The following NCAM2 variants were observed in gnomAD, a reference collection of about 807,000 sequenced individuals.
NCAM2 encodes the protein neural cell adhesion molecule 2.
In NCAM2, 30 loss-of-function variants were observed where a neutral mutation model predicts 98.1. The observed-to-expected ratio is 0.31, with a 90% CI of 0.23 to 0.41. The LOEUF (loss-of-function observed/expected upper bound fraction) is 0.41. NCAM2 is among the 10% of genes least tolerant of loss of function. The pLI, the probability that NCAM2 is intolerant of heterozygous loss-of-function variation, is 1.00. For missense variants in NCAM2, 867 were observed against 1,005.8 expected (o/e 0.86, Z 1.87); for synonymous variants, 368 against 342.4 (o/e 1.07, Z -0.83).
At chr21:21,387,736 G>C (rs893467559) in intron 9 of NCAM2, among the ~76,000 whole-genome samples, 1 of 152,136 alleles carries the variant, frequency 6.6e-6, no homozygotes, top group African/African-American at 2.4e-5. Context: ...TCAGCCGTAT[G>C]GTACACACCA....
At chr21:21,219,202 T>G (rs1172530261) in intron 1 of NCAM2, among the ~76,000 whole-genome samples, 1 of 152,188 alleles carries the variant, frequency 6.6e-6, no homozygotes, top group Non-Finnish European at 1.5e-5. Context: ...TTAGTGTTAG[T>G]GTATTTTATG....
intron 14 of NCAM2, among the ~76,000 whole-genome samples, chr21:21,475,901 C>CA (rs151298352): frequency 0.016 from 2,403 of 151,520 alleles, 70 homozygotes; most frequent in African/African-American, 0.055. Flanking sequence ...TCTGTGTCAC[C>CA]AAAAAAAATA....
At chr21:21,259,070 C>G (rs1003923948) in intron 1 of NCAM2, among the ~76,000 whole-genome samples, 4 of 152,100 alleles carry the variant, frequency 2.6e-5, no homozygotes, top group African/African-American at 9.7e-5. Flanking sequence ...TGAGGGTCGT[C>G]ATGTTTGTAC....
intron 10 of NCAM2, among the ~76,000 whole-genome samples, chr21:21,413,775 G>A (rs888086229): frequency 2.0e-5 from 3 of 152,152 alleles, no homozygotes; most frequent in African/African-American, 7.2e-5. Context: ...GTTGATGGCT[G>A]CTTACTGATC....
intron 12 of NCAM2, among the ~76,000 whole-genome samples, chr21:21,448,790 A>G (rs1377576251): frequency 6.6e-6 from 1 of 152,104 alleles, no homozygotes; most frequent in Admixed American, 6.6e-5. Flanking sequence ...TGCAAAAAAG[A>G]AGAAAAGTAA....
At chr21:21,064,798 T>C (rs1176399843) in intron 1 of NCAM2, among the ~76,000 whole-genome samples, 1 of 152,186 alleles carries the variant, frequency 6.6e-6, no homozygotes, top group Non-Finnish European at 1.5e-5. Context: ...TATTTTTCAG[T>C]GTGTAAACCT....
chr21:21,068,442 G>A (rs2065488176), intron 1 of NCAM2, among the ~76,000 whole-genome samples: 1 of 149,160 alleles, frequency 6.7e-6, no homozygotes, highest in African/African-American at 2.5e-5. Flanking sequence ...GTGTCCTGTG[G>A]TAGTCATGGT....
intron 16 of NCAM2, among the ~76,000 whole-genome samples, chr21:21,509,705 T>C (rs997850283): frequency 2.0e-5 from 3 of 152,128 alleles, no homozygotes; most frequent in African/African-American, 7.2e-5. Flanking sequence ...TATTTTGTCC[T>C]GTAAAAGGGA....
At chr21:21,474,112 C>T (rs1984839231) in intron 14 of NCAM2, among the ~76,000 whole-genome samples, 1 of 151,886 alleles carries the variant, frequency 6.6e-6, no homozygotes, top group Admixed American at 6.6e-5. Flanking sequence ...ATTAGACACT[C>T]TACAGATATG....
At chr21:21,468,902 A>G (rs1372755380) in intron 14 of NCAM2, 119 bp downstream of exon 14, 1 of 909,064 alleles carries the variant, frequency 1.1e-6, no homozygotes, top group Non-Finnish European at 1.6e-6. Flanking sequence ...AATAAATGCT[A>G]ATCTTCCTTC....
chr21:21,160,280 G>C (rs1041514838), intron 1 of NCAM2, among the ~76,000 whole-genome samples: 2 of 151,888 alleles, frequency 1.3e-5, no homozygotes, highest in African/African-American at 4.8e-5. Flanking sequence ...TAATGCCACT[G>C]ATCTATATGC....
intron 1 of NCAM2, among the ~76,000 whole-genome samples, chr21:21,056,963 C>T (rs888405269): frequency 6.6e-6 from 1 of 151,924 alleles, no homozygotes; most frequent in African/African-American, 2.4e-5. Flanking sequence ...TAATTATAGA[C>T]TGGACTGAAA....
At chr21:21,327,946 C>T (rs931420235) in intron 6 of NCAM2, among the ~76,000 whole-genome samples, 1 of 152,104 alleles carries the variant, frequency 6.6e-6, no homozygotes, top group Admixed American at 6.5e-5. Context: ...AAAGGTTCCC[C>T]CCTTCATTTT....
Position 21,423,630 on chromosome 21 carries a change from C to A in NCAM2, c.1480+5061C>A, listed in dbSNP as rs1426800690. Among the ~76,000 whole-genome samples, 4 of 152,034 alleles carry A rather than the reference C, an allele frequency of 2.6e-5. No homozygotes were observed. In the East Asian group the frequency reaches 7.7e-4, roughly 29 times the overall value. ...TTGTACTACCAATTTTTTACACAAA[C>A]TGCTATTAAGGGAGGTCTCTGATAC... On this transcript the variant is annotated intron_variant, in intron 11 of 17. Coordinates refer to ENST00000400546, the MANE Select transcript of NCAM2 (RefSeq NM_004540.5).
intron 1 of NCAM2, among the ~76,000 whole-genome samples, chr21:21,131,601 C>A (rs1215228269): frequency 1.3e-5 from 2 of 152,108 alleles, no homozygotes; most frequent in Non-Finnish European, 1.5e-5. Flanking sequence ...ACAAATTAGC[C>A]TTCATACTTT....
chr21:21,154,710 T>A (rs1024374143), intron 1 of NCAM2, among the ~76,000 whole-genome samples: 6 of 151,908 alleles, frequency 3.9e-5, no homozygotes, highest in Non-Finnish European at 5.9e-5. Context: ...AACTCTTAGA[T>A]ATGTATATAG....
intron 11 of NCAM2, among the ~76,000 whole-genome samples, chr21:21,431,754 C>T (rs748050388): frequency 1.1e-4 from 16 of 151,466 alleles, no homozygotes; most frequent in Non-Finnish European, 2.4e-4. Context: ...TTTTAACTAC[C>T]CTCTTTATCT....
At chr21:21,024,090 A>G (rs561631874) in intron 1 of NCAM2, among the ~76,000 whole-genome samples, 14 of 152,358 alleles carry the variant, frequency 9.2e-5, no homozygotes, top group African/African-American at 3.4e-4. Flanking sequence ...GCAATAATAC[A>G]AAGAATATGT....
At chr21:21,514,649 T>C (rs1988608658) in intron 16 of NCAM2, among the ~76,000 whole-genome samples, 1 of 152,158 alleles carries the variant, frequency 6.6e-6, no homozygotes, top group Non-Finnish European at 1.5e-5. Flanking sequence ...ATTTTACCTT[T>C]AGACATACAA....
Sources: allele counts gnomAD v4.1 joint callset (sites outside exome capture counted in the v4.1 genomes callset), GRCh38; gene constraint gnomAD v4.1.1; transcripts MANE v1.5; gene names NCBI Gene and HGNC (gene_info 2026-07-23, HGNC 2026-07-21).